Variants in ITGA2 observed in about 807,000 individuals in gnomAD.
The protein encoded by ITGA2 is integrin alpha-2.
In ITGA2, 101 loss-of-function variants were observed where a neutral mutation model predicts 146.3. The observed-to-expected ratio is 0.69, with a 90% CI of 0.59 to 0.81. The LOEUF (loss-of-function observed/expected upper bound fraction) is 0.81, where lower values mean the gene tolerates loss of function less well. ITGA2 is among the 40% of genes least tolerant of loss of function. ITGA2 has a pLI of 0.00. For missense variants in ITGA2, 1,281 were observed against 1,402.7 expected (o/e 0.91, Z 1.39); for synonymous variants, 477 against 487.1 (o/e 0.98, Z 0.27).
At chr5:53,021,424 C>G (rs984576775) in intron 1 of ITGA2, among the ~76,000 whole-genome samples, 11 of 152,312 alleles carry the variant, frequency 7.2e-5, no homozygotes, top group African/African-American at 2.4e-4. Flanking sequence ...CCTACTTACA[C>G]ACACAGAGAG....
intron 16 of ITGA2, 135 bp downstream of exon 16, chr5:53,067,392 G>T: frequency 1.1e-6 from 1 of 877,256 alleles, no homozygotes; most frequent in African/African-American, 1.7e-5. Flanking sequence ...CCTTACACTG[G>T]AGATGCCCGA....
chr5:53,088,164 A>C (rs1740207283), intron 28 of ITGA2, among the ~76,000 whole-genome samples: 1 of 152,236 alleles, frequency 6.6e-6, no homozygotes, highest in African/African-American at 2.4e-5. Flanking sequence ...GAAGTATTAT[A>C]GATTTTTTTT....
Position 53,058,048 on chromosome 5 carries a change from T to C in ITGA2, c.1120T>C (p.Phe374Leu). Reference sequence around the variant, plus strand: ...AGGTACTGTTCAAGGAGGAGACAACTTTCAGATGGAAATGTCACAAGTGGG... The same window carrying C: ...AGGTACTGTTCAAGGAGGAGACAACCTTCAGATGGAAATGTCACAAGTGGG... ...IEGTVQGGDN[F>L]QMEMSQVGFS... Residue 374 changes from phenylalanine to leucine, a missense_variant, in exon 10 of 30, where the codon TTT becomes CTT. Physicochemically the swap from Phe to Leu is conservative, Grantham distance 22 (BLOSUM62 0). Coordinates refer to ENST00000296585, the MANE Select transcript of ITGA2 (RefSeq NM_002203.4). 1 of 1,611,628 alleles carries C rather than the reference T, an allele frequency of 6.2e-7. No individual in the cohort carries two copies.
intron 1 of ITGA2, among the ~76,000 whole-genome samples, chr5:52,993,224 T>A (rs777309656): frequency 6.6e-6 from 1 of 152,162 alleles, no homozygotes; most frequent in Non-Finnish European, 1.5e-5. Flanking sequence ...CCTCAGCCCC[T>A]TAATGGGACT....
intron 1 of ITGA2, among the ~76,000 whole-genome samples, chr5:53,007,833 GA>G (rs1411588677): frequency 6.6e-6 from 1 of 152,226 alleles, no homozygotes; most frequent in African/African-American, 2.4e-5. Flanking sequence ...TTTGAAATGT[GA>G]AAGGGCCTCC....
chr5:53,089,709 C>T (rs1432851566), intron 28 of ITGA2, among the ~76,000 whole-genome samples: 1 of 152,222 alleles, frequency 6.6e-6, no homozygotes, highest in African/African-American at 2.4e-5. Context: ...AGCCACAAGA[C>T]ACTGATGTAG....
At chr5:53,027,906 C>T (rs971960686) in intron 2 of ITGA2, among the ~76,000 whole-genome samples, 1 of 152,044 alleles carries the variant, frequency 6.6e-6, no homozygotes, top group Non-Finnish European at 1.5e-5. Flanking sequence ...CACAGTGAGA[C>T]CTCATCTCTA....
chr5:52,998,155 ATC>A (rs1741371167), intron 1 of ITGA2, among the ~76,000 whole-genome samples: 1 of 152,120 alleles, frequency 6.6e-6, no homozygotes, highest in Non-Finnish European at 1.5e-5. Context: ...CAAGTGAGCT[ATC>A]ACCTTAACTC....
intron 1 of ITGA2, among the ~76,000 whole-genome samples, chr5:53,012,148 T>A (rs904997880): frequency 2.0e-5 from 3 of 152,182 alleles, no homozygotes; most frequent in African/African-American, 7.2e-5. Flanking sequence ...GAGGACTGTA[T>A]TTTAAATTTC....
chr5:53,047,956 A>G (rs910289481), intron 4 of ITGA2, among the ~76,000 whole-genome samples: 3 of 152,238 alleles, frequency 2.0e-5, no homozygotes, highest in African/African-American at 4.8e-5. Flanking sequence ...CTTAAAAGAT[A>G]GAATGTGTGG....
At chr5:53,074,998 T>C in intron 21 of ITGA2, 63 bp from the exon 22 acceptor site, 1 of 1,072,980 alleles carries the variant, frequency 9.3e-7, no homozygotes, top group South Asian at 1.3e-5. Flanking sequence ...AAACATTTTT[T>C]TTTTCACGTT....
At chr5:53,028,540 G>A (rs1294825385) in intron 2 of ITGA2, among the ~76,000 whole-genome samples, 1 of 152,054 alleles carries the variant, frequency 6.6e-6, no homozygotes, top group Non-Finnish European at 1.5e-5. Context: ...CAATATGGTC[G>A]GTATATTTTG....
intron 1 of ITGA2, among the ~76,000 whole-genome samples, chr5:53,024,281 T>G (rs191613769): frequency 1.7e-3 from 259 of 151,968 alleles, no homozygotes; most frequent in African/African-American, 6.0e-3. Flanking sequence ...AAGATGCGAG[T>G]TGGAATAAAC....
intron 12 of ITGA2, 71 bp from the exon 13 acceptor site, chr5:53,062,715 A>C: frequency 6.6e-7 from 1 of 1,504,682 alleles, no homozygotes; most frequent in Non-Finnish European, 9.2e-7. Flanking sequence ...ATGAGCAAGT[A>C]AATGTTCAGT....
intron 16 of ITGA2, among the ~76,000 whole-genome samples, chr5:53,069,859 C>A (rs1341429322): frequency 6.6e-6 from 1 of 151,824 alleles, no homozygotes; most frequent in Non-Finnish European, 1.5e-5. Context: ...GTCTAGTTTC[C>A]TTTCCACTGC....
chr5:53,081,692 A>T lies in ITGA2; in HGVS notation c.3140A>T (p.Glu1047Val). The stretch of plus-strand genomic sequence containing the variant: ...AGTGAAAATTTCAGGCACACCAAAG[A>T]ATTGGTGAGGACAAGTTAACGTGTG... ...FKSENFRHTK[E>V]LNCRTASCSN... The change falls in exon 26 of 30, where the codon GAA becomes GTA. Residue 1047 changes from glutamate (E) to valine (V), a missense_variant. Around this residue, in one of 3 missense-constraint regions of ITGA2, gnomAD observed 475 missense variants for 530.5 expected, o/e 0.90. Coordinates refer to ENST00000296585, the MANE Select transcript of ITGA2 (RefSeq NM_002203.4). 1 of 1,603,404 alleles carries T rather than the reference A, an allele frequency of 6.2e-7. No homozygotes were observed. The highest frequency in any genetic ancestry group is 8.5e-7 in the Non-Finnish European group (1 of 1,171,130).
chr5:53,018,085 C>T (rs1742484416), intron 1 of ITGA2, among the ~76,000 whole-genome samples: 1 of 152,244 alleles, frequency 6.6e-6, no homozygotes, highest in Non-Finnish European at 1.5e-5. Flanking sequence ...AGGCCATGGT[C>T]AGGCTGGAGC....
chr5:53,077,964 C>T (rs1745737751), intron 23 of ITGA2, among the ~76,000 whole-genome samples: 1 of 152,020 alleles, frequency 6.6e-6, no homozygotes, highest in Admixed American at 6.6e-5. Context: ...CCTAATCCCC[C>T]ACGCAAAGAA....
chr5:53,029,806 TG>T (rs1743138239), intron 2 of ITGA2, among the ~76,000 whole-genome samples: 2 of 152,218 alleles, frequency 1.3e-5, no homozygotes, highest in Non-Finnish European at 1.5e-5. Flanking sequence ...AATGACTAAA[TG>T]GAAGTCCCAA....
Sources: gnomAD v4.1 joint callset for allele counts (sites outside exome capture counted in the v4.1 genomes callset) on GRCh38, gnomAD v4.1.1 for gene constraint, gnomAD v4.1.1 regional missense constraint, MANE v1.5 for transcripts, NCBI Gene and HGNC (gene_info 2026-07-23, HGNC 2026-07-21) for gene names.